Variants in SEMA5B observed in about 807,000 individuals in gnomAD.
The protein encoded by SEMA5B is semaphorin 5B.
Under a neutral mutation model 135.0 loss-of-function variants are expected in SEMA5B, and 66 were observed. The ratio of observed to expected loss-of-function variants is 0.49; its 90% CI spans 0.40 to 0.60. The LOEUF (loss-of-function observed/expected upper bound fraction) is 0.60. SEMA5B is among the 20% of genes least tolerant of loss of function. The pLI is 0.00. For synonymous variants in SEMA5B, 690 were observed against 639.5 expected (o/e 1.08, Z -1.19); for missense variants, 1,501 against 1,566.3 (o/e 0.96, Z 0.70).
rs1938024108 is a variant in SEMA5B, at chr3:122,915,540, C to T, written c.1888G>A (p.Gly630Ser). The T allele has an allele frequency of 1.9e-6, 3 of 1,614,126 alleles. No homozygotes were observed. The highest frequency in any genetic ancestry group is 2.2e-5 in the East Asian group (1 of 44,884). The change falls in exon 14 of 23, where the codon GGC becomes AGC. Residue 630 changes from glycine (G) to serine (S), a missense_variant. By Grantham distance (56) the Gly-to-Ser change is moderately conservative. Transcript: ENST00000357599. ...GATCGAGCTCGACACAGGCAAGAGC[C>T]TGAGTTGTCCCCATCCAAGTGCTCA... ...PCEHLDGDNSGSCLCRARSCD... is the reference protein window; with the variant it reads ...PCEHLDGDNSSSCLCRARSCD...
intron 1 of SEMA5B, among the ~76,000 whole-genome samples, chr3:122,994,555 G>A (rs1002250615): frequency 7.2e-5 from 11 of 152,188 alleles, no homozygotes; most frequent in African/African-American, 2.2e-4. Context: ...TAAACAGTGA[G>A]GGATTTGGTA....
chr3:122,931,170 C>G (rs1207863786), intron 5 of SEMA5B, among the ~76,000 whole-genome samples: 2 of 152,150 alleles, frequency 1.3e-5, no homozygotes, highest in Non-Finnish European at 2.9e-5. Flanking sequence ...CCCCTTTTCC[C>G]AAGGACAACC....
At position 122,927,833 on chromosome 3, in the gene SEMA5B, C is replaced by T. The variant is rs377087122; in HGVS notation, c.807G>A (p.Gly269=). The T allele has an allele frequency of 1.9e-6, 3 of 1,561,386 alleles. No homozygotes were observed. The highest frequency in any genetic ancestry group is 2.6e-6 in the Non-Finnish European group (3 of 1,152,440). Residue 269 remains glycine (G), a synonymous_variant, in exon 8 of 23, where the codon GGG becomes GGA. Coordinates refer to ENST00000357599, the MANE Select transcript of SEMA5B (RefSeq NM_001031702.4). ...DPAIYRSLGS[G]PPLRTAQYNS... ...TATATTGGGCAGTGCGAAGCGGTGG[C>T]CCACTGCCCAGGCTGCGGTAGATGG...
chr3:123,017,948 A>G (rs7626808), intron 1 of SEMA5B, among the ~76,000 whole-genome samples: 42,072 of 151,502 alleles, frequency 0.28, 11,372 homozygotes, highest in African/African-American at 0.71. Context: ...TTTTTGCTGG[A>G]CCCCAGACCA....
At chr3:122,987,649 A>G (rs1187852384) in intron 1 of SEMA5B, among the ~76,000 whole-genome samples, 1 of 152,192 alleles carries the variant, frequency 6.6e-6, no homozygotes. Context: ...AGAGGTTCTC[A>G]GGTGGCCATG....
intron 1 of SEMA5B, among the ~76,000 whole-genome samples, chr3:122,992,466 G>A (rs74535909): frequency 0.16 from 24,767 of 152,112 alleles, 2,517 homozygotes; most frequent in Non-Finnish European, 0.23. Flanking sequence ...TGGGTGTGGG[G>A]CATTTCGGAG....
intron 5 of SEMA5B, 23 bp from the exon 6 acceptor site, chr3:122,929,081 C>T: frequency 1.2e-6 from 2 of 1,606,740 alleles, no homozygotes; most frequent in Non-Finnish European, 1.7e-6. Context: ...CATAGGAGCA[C>T]ACAGACATCA....
rs369100178 is a variant in SEMA5B, at chr3:122,913,388, C to T, written c.2317G>A (p.Val773Met). 36 of 1,578,560 alleles carry T rather than the reference C, an allele frequency of 2.3e-5. No homozygotes were observed. The highest frequency in any genetic ancestry group is 2.9e-5 in the Non-Finnish European group (34 of 1,167,180). Residue 773 changes from valine to methionine, a missense_variant, in exon 17 of 23, where the codon GTG becomes ATG. This residue lies in a region of SEMA5B where 927 missense variants were observed against 881.6 expected (regional missense o/e 1.05). Transcript: ENST00000357599. ...GGCGTCCAGGGGGTGTTGCGCCGCA[C>T]TTCGGGGCAGCCCTCGGGGTTGCAC... The part of the protein sequence containing the change: ...KTCNPEGCPE[V>M]RRNTPWTPWL...
intron 1 of SEMA5B, among the ~76,000 whole-genome samples, chr3:122,993,811 C>T (rs1351653245): frequency 6.6e-6 from 1 of 151,214 alleles, no homozygotes; most frequent in Admixed American, 6.6e-5. Flanking sequence ...CTGCTGCTGT[C>T]AGCAGTCAGC....
intron 2 of SEMA5B, among the ~76,000 whole-genome samples, chr3:122,957,753 C>T (rs932863017): frequency 1.3e-5 from 2 of 152,232 alleles, no homozygotes; most frequent in African/African-American, 4.8e-5. Context: ...CCCCCTGCCA[C>T]TGCCAGTGAA....
intron 1 of SEMA5B, among the ~76,000 whole-genome samples, chr3:122,998,185 C>T (rs942034385): frequency 6.6e-6 from 1 of 152,082 alleles, no homozygotes; most frequent in African/African-American, 2.4e-5. Context: ...TCCCAGGGCC[C>T]ATCCACAAAG....
At chr3:122,960,648 G>A (rs1940533330) in intron 2 of SEMA5B, among the ~76,000 whole-genome samples, 1 of 152,194 alleles carries the variant, frequency 6.6e-6, no homozygotes, top group Non-Finnish European at 1.5e-5. Flanking sequence ...CCTTATAAAA[G>A]GAGGAAATTC....
chr3:122,993,321 A>G (rs1479392161), intron 1 of SEMA5B: 1 of 152,260 alleles, frequency 6.6e-6, no homozygotes, highest in African/African-American at 2.4e-5. Context: ...CCAGTGCCAG[A>G]CTGTCCTCCC....
chr3:122,913,694 G>A lies in SEMA5B; in HGVS notation c.2133-13C>T, dbSNP rs1401596264. The A allele has an allele frequency of 2.5e-6, 4 of 1,612,444 alleles. No homozygotes were observed. The highest frequency in any genetic ancestry group is 1.1e-5 in the South Asian group (1 of 90,974). On this transcript the variant is annotated splice_polypyrimidine_tract_variant and intron_variant, in intron 15 of 22. Coordinates refer to ENST00000357599, the MANE Select transcript of SEMA5B (RefSeq NM_001031702.4). ...CTCATTACAGAACCTGGGGTCGGGG[G>A]AGAGGCGTCAATCCAGGGAGGGGGA...
chr3:123,005,009 G>A (rs1209438237), intron 1 of SEMA5B, among the ~76,000 whole-genome samples: 2 of 152,202 alleles, frequency 1.3e-5, no homozygotes, highest in Non-Finnish European at 1.5e-5. Flanking sequence ...GGAACTCTGA[G>A]AGGTTATCTC....
At chr3:122,920,533 C>T (rs1404084818) in intron 12 of SEMA5B, among the ~76,000 whole-genome samples, 1 of 152,108 alleles carries the variant, frequency 6.6e-6, no homozygotes, top group East Asian at 1.9e-4. Flanking sequence ...AATAAAGATA[C>T]CAGCTACCTC....
chr3:122,925,052 A>G (rs748363947), intron 9 of SEMA5B, among the ~76,000 whole-genome samples: 7 of 152,186 alleles, frequency 4.6e-5, no homozygotes, highest in Non-Finnish European at 1.0e-4. Context: ...TGATGGCGTC[A>G]GTTTCGATGC....
At chr3:122,976,729 A>G (rs1396478137) in intron 1 of SEMA5B, among the ~76,000 whole-genome samples, 1 of 152,168 alleles carries the variant, frequency 6.6e-6, no homozygotes, top group Non-Finnish European at 1.5e-5. Flanking sequence ...CATCATATAC[A>G]TCACACAAAC....
rs1409401915 is a variant in SEMA5B at position 122,912,154 on chromosome 3, G to A, written c.2896+18C>T. The A allele has an allele frequency of 6.3e-7, 1 of 1,580,814 alleles. No individual in the cohort carries two copies. Among genetic ancestry groups the A allele is most frequent in the Non-Finnish European group, 8.6e-7 (1 of 1,157,906 alleles). Reference sequence around the variant, plus strand: ...GGCTCCATGTCGCTTCCCAGCCCTGGCGGGATGTGCCTCATACCTGGGCAG... The same window carrying A: ...GGCTCCATGTCGCTTCCCAGCCCTGACGGGATGTGCCTCATACCTGGGCAG... On this transcript the variant is annotated intron_variant, in intron 19 of 22. Coordinates refer to ENST00000357599, the MANE Select transcript of SEMA5B (RefSeq NM_001031702.4).
Sources: allele counts gnomAD v4.1 joint callset (sites outside exome capture counted in the v4.1 genomes callset), GRCh38; gene constraint gnomAD v4.1.1; regional missense constraint gnomAD v4.1.1; transcripts MANE v1.5; gene names NCBI Gene and HGNC (gene_info 2026-07-23, HGNC 2026-07-21).